ADGRL3: variants seen among roughly 807,000 people sequenced by gnomAD.
The protein encoded by ADGRL3 is adhesion G protein-coupled receptor L3.
In ADGRL3, 62 loss-of-function variants were observed where a neutral mutation model predicts 153.5. The observed-to-expected ratio is 0.40, with a 90% CI of 0.33 to 0.50. ADGRL3 has a LOEUF of 0.50. Among genes scored for constraint, ADGRL3 ranks in the 20% least tolerant of loss-of-function variants. ADGRL3 has a pLI of 0.47. For synonymous variants in ADGRL3, 710 were observed against 672.5 expected (o/e 1.06, Z -0.86); for missense variants, 1,641 against 1,859.4 (o/e 0.88, Z 2.16).
chr4:61,695,056 C>T (rs924356803), intron 6 of ADGRL3, among the ~76,000 whole-genome samples: 9 of 152,112 alleles, frequency 5.9e-5, no homozygotes, highest in Non-Finnish European at 1.0e-4. Flanking sequence ...GTTATTTCCC[C>T]CACTGAAATC....
intron 9 of ADGRL3, among the ~76,000 whole-genome samples, chr4:61,879,335 A>G (rs2149466963): frequency 6.6e-6 from 1 of 152,338 alleles, no homozygotes; most frequent in Non-Finnish European, 1.5e-5. Context: ...GCTTGGGACC[A>G]GAAATGCTTC....
chr4:61,908,858 C>T (rs192707204), intron 11 of ADGRL3, among the ~76,000 whole-genome samples: 1 of 152,022 alleles, frequency 6.6e-6, no homozygotes, highest in East Asian at 1.9e-4. Flanking sequence ...TTCGAATTAC[C>T]CATGGCTATC....
intron 1 of ADGRL3, among the ~76,000 whole-genome samples, chr4:61,253,570 G>A (rs1001855230): frequency 2.6e-5 from 4 of 152,100 alleles, no homozygotes; most frequent in African/African-American, 7.2e-5. Flanking sequence ...AATATACTGT[G>A]TTGCAGGATC....
intron 4 of ADGRL3, among the ~76,000 whole-genome samples, chr4:61,531,903 CTAACTT>C (rs2098619281): frequency 6.6e-6 from 1 of 152,074 alleles, no homozygotes; most frequent in East Asian, 1.9e-4. Context: ...CTTTCATAAC[CTAACTT>C]TAGAGTGTGT....
chr4:61,649,112 G>A (rs1261658335), intron 5 of ADGRL3, among the ~76,000 whole-genome samples: 1 of 151,714 alleles, frequency 6.6e-6, no homozygotes, highest in Admixed American at 6.6e-5. Context: ...CTACTGATCT[G>A]TAACTAGATA....
intron 8 of ADGRL3, among the ~76,000 whole-genome samples, chr4:61,746,377 T>C (rs1209651175): frequency 6.6e-6 from 1 of 151,984 alleles, no homozygotes; most frequent in Non-Finnish European, 1.5e-5. Flanking sequence ...TCTACAGAAC[T>C]CTCCACCCCA....
At chr4:61,240,258 G>A (rs1272370289) in intron 1 of ADGRL3, among the ~76,000 whole-genome samples, 1 of 152,082 alleles carries the variant, frequency 6.6e-6, no homozygotes, top group Non-Finnish European at 1.5e-5. Context: ...TCATTTATAA[G>A]GGTTCTGATC....
At chr4:61,945,923 A>G (rs1052719658) in intron 15 of ADGRL3, among the ~76,000 whole-genome samples, 2 of 152,184 alleles carry the variant, frequency 1.3e-5, no homozygotes, top group Non-Finnish European at 2.9e-5. Flanking sequence ...GGAGCTGTAG[A>G]CTGGAGCTGT....
intron 5 of ADGRL3, among the ~76,000 whole-genome samples, chr4:61,618,012 T>G (rs1424439589): frequency 2.0e-5 from 3 of 152,142 alleles, no homozygotes; most frequent in African/African-American, 7.2e-5. Flanking sequence ...CAGTAACACA[T>G]TTGAGAGAGA....
chr4:61,212,104 A>T (rs1297039536), intron 1 of ADGRL3: 1 of 152,228 alleles, frequency 6.6e-6, no homozygotes, highest in East Asian at 1.9e-4. Flanking sequence ...CACATTACTG[A>T]AAAAGAACAA....
rs1185966962 is a variant in ADGRL3 at position 61,927,408 on chromosome 4, A to G, written c.2113-7432A>G. 2.6e-5 allele frequency among the ~76,000 whole-genome samples: 4 copies of G among 152,148 alleles called. No homozygotes were observed. In the East Asian group the frequency reaches 7.7e-4, roughly 29 times the overall value. ...GTCTCTTAAAGACACAGTCTGTTCT[A>G]TGAAATTTTAGTTTCACCTTGTTTT... On this transcript the variant is annotated intron_variant, in intron 13 of 26. Coordinates refer to ENST00000683033, the MANE Select transcript of ADGRL3 (RefSeq NM_001387552.1).
intron 9 of ADGRL3, among the ~76,000 whole-genome samples, chr4:61,877,241 A>G (rs772097472): frequency 3.9e-5 from 6 of 152,216 alleles, no homozygotes; most frequent in Admixed American, 6.5e-5. Context: ...GGTACACACA[A>G]CAACGTGGGT....
At chr4:61,541,346 A>ATTTTTTTTTTTTTTTTTTT (rs3075146) in intron 4 of ADGRL3, among the ~76,000 whole-genome samples, 1 of 103,338 alleles carries the variant, frequency 9.7e-6, no homozygotes. Flanking sequence ...TCTGGTAGAG[A>ATTTTTTTTTTTTTTTTTTT]TTTTTTTTTT....
At position 61,909,601 on chromosome 4, in the gene ADGRL3, G is replaced by T. The variant is rs1308857342; in HGVS notation, c.1929G>T (p.Leu643=). Residue 643 remains leucine (L), a synonymous_variant, in exon 12 of 27, where the codon CTG becomes CTT. Coordinates refer to ENST00000683033, the MANE Select transcript of ADGRL3 (RefSeq NM_001387552.1). ...CAGCTGCCAACATTGCTAGAGAGCTGGCTGAACAGACAAGAAATCACTTGA... is the reference window on the plus strand; with the variant it reads ...CAGCTGCCAACATTGCTAGAGAGCTTGCTGAACAGACAAGAAATCACTTGA... ...GETAANIARE[L]AEQTRNHLNA... 2.5e-6 allele frequency: 4 copies of T among 1,613,434 alleles called. No individual in the cohort carries two copies. Among genetic ancestry groups the T allele is most frequent in the African/African-American group, 1.3e-5 (1 of 74,890 alleles).
At chr4:61,533,135 G>A (rs1034946241) in intron 4 of ADGRL3, among the ~76,000 whole-genome samples, 1 of 152,136 alleles carries the variant, frequency 6.6e-6, no homozygotes, top group African/African-American at 2.4e-5. Flanking sequence ...TGATAAGGAC[G>A]TTTCTGGCCA....
chr4:61,845,723 G>C (rs1400659804), intron 9 of ADGRL3, among the ~76,000 whole-genome samples: 1 of 151,832 alleles, frequency 6.6e-6, no homozygotes, highest in Non-Finnish European at 1.5e-5. Flanking sequence ...TGATGTCCCA[G>C]AATTTGCTCA....
intron 2 of ADGRL3, among the ~76,000 whole-genome samples, chr4:61,417,620 T>A (rs1033216658): frequency 2.0e-5 from 3 of 151,580 alleles, no homozygotes; most frequent in African/African-American, 7.3e-5. Context: ...TTGTATAGGG[T>A]TATTCTTGAA....
intron 1 of ADGRL3, among the ~76,000 whole-genome samples, chr4:61,277,499 G>T: frequency 6.6e-6 from 1 of 150,830 alleles, no homozygotes. Context: ...CTCTTTTTTT[G>T]GTCAAGGTTT....
chr4:61,224,846 C>T (rs1235931447), intron 1 of ADGRL3, among the ~76,000 whole-genome samples: 1 of 152,176 alleles, frequency 6.6e-6, no homozygotes, highest in East Asian at 1.9e-4. Context: ...GACACACAAC[C>T]ATTTCTGATG....
Sources: gnomAD v4.1 joint callset for allele counts (sites outside exome capture counted in the v4.1 genomes callset) on GRCh38, gnomAD v4.1.1 for gene constraint, MANE v1.5 for transcripts, NCBI Gene and HGNC (gene_info 2026-07-23, HGNC 2026-07-21) for gene names.